APBB2: variants seen among roughly 807,000 people sequenced by gnomAD.
APBB2 encodes amyloid beta precursor protein binding family B member 2.
A neutral mutation model predicts 82.5 loss-of-function variants in APBB2; 38 were observed. The observed-to-expected ratio is 0.46, with a 90% CI of 0.36 to 0.60. APBB2 has a LOEUF of 0.60. Ranked by LOEUF, APBB2 falls within the 20% of genes least tolerant of loss-of-function variation. APBB2 has a pLI of 0.00. For missense variants in APBB2, 772 were observed against 972.3 expected, an observed-to-expected ratio of 0.79 and a Z score of 2.74; for synonymous variants, 341 against 368.2, an observed-to-expected ratio of 0.93 and a Z score of 0.85.
intron 3 of APBB2, among the ~76,000 whole-genome samples, chr4:41,099,237 G>GT (rs1036983470): frequency 3.1e-4 from 47 of 151,746 alleles, no homozygotes; most frequent in African/African-American, 5.6e-4. Flanking sequence ...TGGTTTTTGT[G>GT]TTTTTTTTGG....
At chr4:40,907,341 TATATTACATATATATA>T in intron 10 of APBB2, among the ~76,000 whole-genome samples, 1 of 119,662 alleles carries the variant, frequency 8.4e-6, no homozygotes, top group African/African-American at 3.1e-5. Flanking sequence ...TTTAATTTAA[TATATTACATATATATA>T]TATATATATA....
At chr4:41,066,408 A>C (rs1254994801) in intron 3 of APBB2, among the ~76,000 whole-genome samples, 5 of 152,204 alleles carry the variant, frequency 3.3e-5, no homozygotes, top group African/African-American at 9.6e-5. Flanking sequence ...ACCCAGCACC[A>C]TGCTAAGCAC....
At chr4:41,196,591 G>A in intron 1 of APBB2, among the ~76,000 whole-genome samples, 2 of 134,620 alleles carry the variant, frequency 1.5e-5, no homozygotes, top group Admixed American at 1.5e-4. Flanking sequence ...GTTGAGAAAA[G>A]CCCCCTGCTT....
intron 13 of APBB2, among the ~76,000 whole-genome samples, chr4:40,828,581 CT>C (rs60249672): frequency 3.3e-5 from 5 of 150,444 alleles, no homozygotes; most frequent in Admixed American, 6.6e-5. Context: ...AGGGCAAGGA[CT>C]TTTTTTTTTC....
Position 40,815,661 on chromosome 4 carries a change from A to G in APBB2, c.*431T>C, listed in dbSNP as rs529872978. On this transcript the variant is annotated 3_prime_UTR_variant, in exon 18 of 18. Transcript: ENST00000508593. Reference sequence around the variant, plus strand: ...TATCTGCTATGCAGTGCCTACTCCAATGTTGAAAACAGGGCAAAGTGCTGT... The same window carrying G: ...TATCTGCTATGCAGTGCCTACTCCAGTGTTGAAAACAGGGCAAAGTGCTGT... The G allele has an allele frequency of 4.0e-4, 68 of 168,320 alleles. No homozygotes were observed. Among genetic ancestry groups the G allele is most frequent in the African/African-American group, 1.5e-3 (63 of 42,240 alleles). The allele number at this position is 168,320 out of a possible 1,614,324, so 10.4% of individuals were successfully genotyped here. A position where few individuals can be genotyped will look rare whatever the true frequency, so the allele number is the denominator to read the frequency against.
At chr4:41,010,776 C>A (rs1054987432) in intron 6 of APBB2, among the ~76,000 whole-genome samples, 1 of 152,020 alleles carries the variant, frequency 6.6e-6, no homozygotes, top group Non-Finnish European at 1.5e-5. Context: ...TACGTTCTTA[C>A]GTGAAAAAAA....
chr4:41,004,614 A>C (rs973989704), intron 6 of APBB2, among the ~76,000 whole-genome samples: 2 of 151,820 alleles, frequency 1.3e-5, no homozygotes, highest in Non-Finnish European at 2.9e-5. Context: ...AGGCGGGTGG[A>C]TCATGAGGTC....
chr4:40,958,726 C>A lies in APBB2; in HGVS notation c.836-13653G>T, dbSNP rs1348643667. ...GCTCAAGCGATTCTCCTGTCTCAAC[C>A]CCCTGAGTAGCTGGGACTACAGTTG... On this transcript the variant is annotated intron_variant, in intron 6 of 17. Coordinates refer to ENST00000508593, the MANE Select transcript of APBB2 (RefSeq NM_004307.2). Among the ~76,000 whole-genome samples, 5 of 152,252 alleles carry A rather than the reference C, an allele frequency of 3.3e-5. No individual in the cohort carries two copies. In the South Asian group the frequency reaches 1.0e-3, roughly 32 times the overall value.
At chr4:40,873,087 CAA>C (rs71648932) in intron 12 of APBB2, among the ~76,000 whole-genome samples, 11 of 106,030 alleles carry the variant, frequency 1.0e-4, no homozygotes, top group Admixed American at 2.0e-4. Flanking sequence ...GACTCCATCT[CAA>C]AAAAAAAAAA....
chr4:40,840,796 C>A (rs776064642), intron 12 of APBB2, among the ~76,000 whole-genome samples: 15 of 152,064 alleles, frequency 9.9e-5, no homozygotes, highest in Non-Finnish European at 1.9e-4. Flanking sequence ...AATCTGTAGC[C>A]CTCTCTAGAA....
intron 12 of APBB2, among the ~76,000 whole-genome samples, chr4:40,879,117 G>A (rs1767675019): frequency 6.6e-6 from 1 of 151,818 alleles, no homozygotes; most frequent in South Asian, 2.1e-4. Flanking sequence ...TGAGCCCAAA[G>A]TGTGGGTGCT....
chr4:41,193,983 T>C, intron 1 of APBB2: 3 of 152,236 alleles, frequency 2.0e-5, no homozygotes, highest in Admixed American at 2.0e-4. Context: ...ATTTGTATAT[T>C]TGAAATATTT....
intron 1 of APBB2, among the ~76,000 whole-genome samples, chr4:41,147,696 C>T (rs1761170886): frequency 6.6e-6 from 1 of 151,996 alleles, no homozygotes; most frequent in East Asian, 1.9e-4. Context: ...ACCATGTTGG[C>T]CAGGCTGGCC....
At chr4:41,134,795 G>A (rs900620906) in intron 2 of APBB2, among the ~76,000 whole-genome samples, 1 of 152,134 alleles carries the variant, frequency 6.6e-6, no homozygotes, top group Admixed American at 6.6e-5. Context: ...CTCCCCAGAA[G>A]GGCTTGCATT....
intron 5 of APBB2, among the ~76,000 whole-genome samples, chr4:41,021,882 C>T (rs1711663499): frequency 6.6e-6 from 1 of 152,176 alleles, no homozygotes; most frequent in Non-Finnish European, 1.5e-5. Context: ...ACCACGAACC[C>T]ACTGGCAGGA....
intron 4 of APBB2, among the ~76,000 whole-genome samples, chr4:41,064,967 T>TA (rs1464234191): frequency 6.6e-6 from 1 of 151,990 alleles, no homozygotes; most frequent in Non-Finnish European, 1.5e-5. Context: ...AAGGAAAGCT[T>TA]AAAAAAATAA....
intron 10 of APBB2, among the ~76,000 whole-genome samples, chr4:40,905,068 G>T (rs986202738): frequency 6.6e-6 from 1 of 152,134 alleles, no homozygotes; most frequent in African/African-American, 2.4e-5. Flanking sequence ...AAGCTCCCCT[G>T]ATGTTAACCT....
At chr4:40,970,551 A>G (rs888807217) in intron 6 of APBB2, among the ~76,000 whole-genome samples, 8 of 152,102 alleles carry the variant, frequency 5.3e-5, no homozygotes, top group Non-Finnish European at 8.8e-5. Flanking sequence ...TCATGCATCC[A>G]TTCTACTTCA....
chr4:41,052,334 C>A (rs1336683151), intron 4 of APBB2, among the ~76,000 whole-genome samples: 2 of 152,180 alleles, frequency 1.3e-5, no homozygotes, highest in African/African-American at 4.8e-5. Flanking sequence ...TGTCCCTAAT[C>A]TGCATGGACA....
Sources: gnomAD v4.1 joint callset for allele counts (sites outside exome capture counted in the v4.1 genomes callset) on GRCh38, gnomAD v4.1.1 for gene constraint, MANE v1.5 for transcripts, NCBI Gene and HGNC (gene_info 2026-07-23, HGNC 2026-07-21) for gene names.